Variants in SLC5A9 observed in about 807,000 individuals in gnomAD.
The protein encoded by SLC5A9 is solute carrier family 5 member 9.
A neutral mutation model predicts 70.9 loss-of-function variants in SLC5A9; 59 were observed. The ratio of observed to expected loss-of-function variants is 0.83; its 90% CI spans 0.68 to 1.03. The LOEUF is 1.03. SLC5A9 is among the 50% of genes least tolerant of loss of function. SLC5A9 has a pLI of 0.00. For missense variants in SLC5A9, 832 were observed against 881.1 expected (o/e 0.94, Z 0.71); for synonymous variants, 340 against 346.5 (o/e 0.98, Z 0.21).
chr1:48,243,547 ATTC>A (rs1644416187), intron 13 of SLC5A9, among the ~76,000 whole-genome samples: 1 of 152,198 alleles, frequency 6.6e-6, no homozygotes, highest in African/African-American at 2.4e-5. Context: ...ACATCAAAAC[ATTC>A]TGATTATAGA....
chr1:48,228,571 T>G, intron 2 of SLC5A9: 1 of 414,068 alleles, frequency 2.4e-6, no homozygotes, highest in Non-Finnish European at 4.4e-6. Flanking sequence ...CTTCCAGGCT[T>G]CCTTCCCACT....
rs1257477923 is a variant in SLC5A9, at chr1:48,242,435, CCA to C, written c.1678-21_1678-20del. The C allele has an allele frequency of 3.2e-6, 5 of 1,572,498 alleles. No individual in the cohort carries two copies. The highest frequency in any genetic ancestry group is 2.6e-6 in the Non-Finnish European group (3 of 1,157,656). On this transcript the variant is annotated intron_variant, in intron 12 of 13. Transcript: ENST00000438567. Reference sequence around the variant, plus strand: ...TGACTTCTCTCCAAGGCAACTGACTCCAGTGTCTTCTTTCCCTCCAGCTCACA... The same window carrying C: ...TGACTTCTCTCCAAGGCAACTGACTCGTGTCTTCTTTCCCTCCAGCTCACA...
At chr1:48,222,985 G>T in intron 1 of SLC5A9, 87 bp downstream of exon 1, 2 of 1,414,784 alleles carry the variant, frequency 1.4e-6, no homozygotes, top group South Asian at 2.5e-5. Flanking sequence ...GGCAGGGCTA[G>T]GCAGAAAGAA....
chr1:48,238,153 G>A (rs1644352658), intron 11 of SLC5A9, among the ~76,000 whole-genome samples: 1 of 152,178 alleles, frequency 6.6e-6, no homozygotes, highest in South Asian at 2.1e-4. Context: ...AAGGGCACAA[G>A]CACCTAACCT....
rs1644235040 is a variant in SLC5A9 at position 48,230,654 on chromosome 1, T to C, written c.559T>C (p.Tyr187His). ...FIQMALGWNL[Y>H]LSTGILLVVT... ...CCAGATGGCATTGGGCTGGAACCTG[T>C]ACCTCTCCACAGGGATCCTGCTGGT... is the stretch of plus-strand genomic sequence containing the variant. The change falls in exon 5 of 14, where the codon TAC (tyrosine) becomes CAC (histidine). Residue 187 changes from tyrosine (Y) to histidine (H), a missense_variant. Transcript: ENST00000438567. 6.2e-7 allele frequency: 1 copy of C among 1,614,048 alleles called. No individual in the cohort carries two copies. Among genetic ancestry groups the C allele is most frequent in the Non-Finnish European group, 8.5e-7 (1 of 1,179,964 alleles).
At chr1:48,227,515 T>C (rs1341288982) in intron 2 of SLC5A9, among the ~76,000 whole-genome samples, 2 of 112,388 alleles carry the variant, frequency 1.8e-5, no homozygotes, top group African/African-American at 7.1e-5. Flanking sequence ...GTGTGTGTAA[T>C]TGCATGAGTG....
intron 5 of SLC5A9, 114 bp from the exon 6 acceptor site, chr1:48,231,431 C>A: frequency 7.7e-7 from 1 of 1,304,150 alleles, no homozygotes; most frequent in Non-Finnish European, 1.1e-6. Context: ...AGTTCCCCTG[C>A]TAAGAGGGCT....
chr1:48,228,781 A>C, intron 2 of SLC5A9, 69 bp from the exon 3 acceptor site: 1 of 1,592,336 alleles, frequency 6.3e-7, no homozygotes, highest in South Asian at 1.1e-5. Flanking sequence ...CTCACTACTC[A>C]TGGTCCTCGC....
In SLC5A9 at chr1:48,242,660, G is replaced by T. The variant is rs375635527; in HGVS notation, c.1837+44G>T. On this transcript the variant is annotated intron_variant, in intron 13 of 13. Transcript: ENST00000438567. ...GGGGATACTCATCACAGAGGAACAG[G>T]GGGGACAGACCTATGTCATGGGCGG... 1.9e-5 allele frequency: 30 copies of T among 1,556,494 alleles called. 1 individual carries two copies. Among genetic ancestry groups the T allele is most frequent in the Middle Eastern group, 2.4e-4 (1 of 4,194 alleles).
In SLC5A9 at chr1:48,239,622, G is replaced by A. The variant is rs1644369877; in HGVS notation, c.1677+85G>A. ...GAATTCCACTGCTGACTTTTACTCT[G>A]TTGGGTTATGGTCTCCCCTGTGGCC... On this transcript the variant is annotated intron_variant, in intron 12 of 13. Transcript: ENST00000438567. The surrounding 1 kb of genome is among the most constrained non-coding windows in gnomAD (Gnocchi z 4.2). The A allele has an allele frequency of 1.7e-5, 22 of 1,324,710 alleles. No individual in the cohort carries two copies. Among genetic ancestry groups the A allele is most frequent in the Non-Finnish European group, 2.3e-5 (21 of 927,726 alleles). The allele number at this position is 1,324,710 out of a possible 1,614,324, so 82.1% of individuals were successfully genotyped here. A position where few individuals can be genotyped will look rare whatever the true frequency, so the allele number is the denominator to read the frequency against.
intron 11 of SLC5A9, chr1:48,238,413 G>T (rs906031748): frequency 1.3e-5 from 2 of 152,386 alleles, no homozygotes; most frequent in African/African-American, 4.8e-5. Flanking sequence ...TCCTGCACTT[G>T]CATTATTCAT....
At chr1:48,243,037 G>A (rs966998659) in intron 13 of SLC5A9, among the ~76,000 whole-genome samples, 30 of 152,140 alleles carry the variant, frequency 2.0e-4, no homozygotes, top group Admixed American at 8.5e-4. Context: ...CTACCAGCAC[G>A]GAAGTCCCTT....
chr1:48,246,837 T>G lies in SLC5A9; in HGVS notation c.1838-498T>G, dbSNP rs137951146. Among the ~76,000 whole-genome samples, 205 of 152,344 alleles carry G rather than the reference T, an allele frequency of 1.3e-3. 2 individuals are homozygous for G. The highest frequency in any genetic ancestry group is 0.01 in the Admixed American group (160 of 15,306). On this transcript the variant is annotated intron_variant, in intron 13 of 13. Coordinates refer to ENST00000438567, the MANE Select transcript of SLC5A9 (RefSeq NM_001011547.3). ...CTCCAGCTCAGAGAAGCTGAGTGAT[T>G]TGCATATGGCCTCACAGTCAGCTAA...
At position 48,247,487 on chromosome 1, in the gene SLC5A9, A is replaced by G. The variant is rs1644473417; in HGVS notation, c.1990A>G (p.Ile664Val). 1 of 1,614,202 alleles carries G rather than the reference A, an allele frequency of 6.2e-7. No individual in the cohort carries two copies. The highest frequency in any genetic ancestry group is 8.5e-7 in the Non-Finnish European group (1 of 1,180,040). Residue 664 changes from isoleucine (I) to valine (V), a missense_variant, in exon 14 of 14, where the codon ATC (isoleucine) becomes GTC (valine). By Grantham distance (29) the Ile-to-Val change is conservative. Coordinates refer to ENST00000438567, the MANE Select transcript of SLC5A9 (RefSeq NM_001011547.3). ...EEPLWRHVCNINAVLLLAINI... is the reference protein window; with the variant it reads ...EEPLWRHVCNVNAVLLLAINI... ...GCCACTCTGGAGACATGTCTGCAAC[A>G]TCAATGCTGTCCTTTTGCTGGCCAT...
At chr1:48,228,491 A>C in intron 2 of SLC5A9, 1 of 222,534 alleles carries the variant, frequency 4.5e-6, no homozygotes, top group Non-Finnish European at 9.1e-6. Flanking sequence ...GGGCTTCCCT[A>C]TCCCCTTCAG....
At chr1:48,240,500 A>C (rs1644379249) in intron 12 of SLC5A9, 1 of 152,214 alleles carries the variant, frequency 6.6e-6, no homozygotes. Flanking sequence ...GACATCATGG[A>C]TAATACTCTT....
At chr1:48,233,036 GAA>G in intron 8 of SLC5A9, among the ~76,000 whole-genome samples, 1 of 137,316 alleles carries the variant, frequency 7.3e-6, no homozygotes, top group Non-Finnish European at 1.6e-5. Context: ...GGGAGGGAGG[GAA>G]AGGAAAGAAA....
chr1:48,224,751 A>G lies in SLC5A9; in HGVS notation c.190A>G (p.Ile64Val). The G allele has an allele frequency of 6.2e-7, 1 of 1,614,122 alleles. No homozygotes were observed. The change falls in exon 2 of 14, where the codon ATT becomes GTT. Residue 64 changes from isoleucine (I) to valine (V), a missense_variant. Ile to Val is a conservative substitution (Grantham distance 29, BLOSUM62 3). Coordinates refer to ENST00000438567, the MANE Select transcript of SLC5A9 (RefSeq NM_001011547.3). The stretch of plus-strand genomic sequence containing the variant: ...GTCCATCCGTGCAAGTCGAGGGACC[A>G]TTGGCGGCTATTTCCTGGCCGGGAG... ...WSSIRASRGT[I>V]GGYFLAGRSM...
In SLC5A9 at chr1:48,247,722, C is replaced by T. The variant is rs986027; in HGVS notation, c.*179C>T. 488,681 of 641,712 alleles carry T rather than the reference C, an allele frequency of 0.76. 189,328 individuals are homozygous for T. Among genetic ancestry groups the T allele is most frequent in the Admixed American group, 0.83 (30,277 of 36,588 alleles). 39.8% of individuals were successfully genotyped at this position (641,712 alleles called of 1,614,324 possible). ...ACTTGACAAGTGGAGAAACAGAAGCCCAGAGAGAGCACTGGGTTTGTTCAG... is the reference window on the plus strand; with the variant it reads ...ACTTGACAAGTGGAGAAACAGAAGCTCAGAGAGAGCACTGGGTTTGTTCAG... On this transcript the variant is annotated 3_prime_UTR_variant, in exon 14 of 14. Coordinates refer to ENST00000438567, the MANE Select transcript of SLC5A9 (RefSeq NM_001011547.3).
Sources: gnomAD v4.1 joint callset for allele counts (sites outside exome capture counted in the v4.1 genomes callset) on GRCh38, gnomAD v4.1.1 for gene constraint, Gnocchi (gnomAD v3.1) non-coding constraint, MANE v1.5 for transcripts, NCBI Gene and HGNC (gene_info 2026-07-23, HGNC 2026-07-21) for gene names.